Variants in OR8J3 observed in about 807,000 individuals in gnomAD.
The protein encoded by OR8J3 is olfactory receptor 8J3.
For missense variants in OR8J3, 418 were observed against 379.8 expected (o/e 1.10, Z -0.84); for synonymous variants, 170 against 142.6 (o/e 1.19, Z -1.37).
chr11:56,137,839 A>G lies in OR8J3; in HGVS notation c.-121T>C, dbSNP rs188359419. The G allele has an allele frequency of 1.8e-5, 14 of 768,992 alleles. No homozygotes were observed. In the East Asian group the frequency reaches 3.4e-4, roughly 18 times the overall value. The allele number at this position is 768,992 out of a possible 1,614,324, so 47.6% of individuals were successfully genotyped here. A position where few individuals can be genotyped will look rare whatever the true frequency, so the allele number is the denominator to read the frequency against. On this transcript the variant is annotated 5_prime_UTR_variant, in exon 2 of 2. The change abolishes an upstream ATG in the 5' untranslated region. Transcript: ENST00000642058. ...AATTCCTGGGTGTGATCTTCTTGTC[A>G]TGTATTAATCTAATTCAGTTATTAA... is the stretch of plus-strand genomic sequence containing the variant.
intron 1 of OR8J3, among the ~76,000 whole-genome samples, chr11:56,138,858 C>T (rs1854362812): frequency 6.6e-6 from 1 of 151,750 alleles, no homozygotes; most frequent in African/African-American, 2.4e-5. Flanking sequence ...TCTTTTAATT[C>T]AATTTTTTGT....
Position 56,136,644 on chromosome 11 carries a change from T to A in OR8J3, c.*127A>T. On this transcript the variant is annotated 3_prime_UTR_variant, in exon 2 of 2. Transcript: ENST00000642058. ...TCAAAATGTTTCCATGTATTTTTTTTAATTCAATGATCTTTAAATCTTACC... is the reference window on the plus strand; with the variant it reads ...TCAAAATGTTTCCATGTATTTTTTTAAATTCAATGATCTTTAAATCTTACC... 1.9e-6 allele frequency: 1 copy of A among 523,692 alleles called. No individual in the cohort carries two copies. 32.4% of individuals were successfully genotyped at this position (523,692 alleles called of 1,614,324 possible).
chr11:56,137,304 G>A lies in OR8J3; in HGVS notation c.415C>T (p.Arg139Trp), dbSNP rs778973470. ...AGGGACACCAGCAGGAGGCAGAGCCGCCGAGACACCACCACCATGTAGAGC... is the reference window on the plus strand; with the variant it reads ...AGGGACACCAGCAGGAGGCAGAGCCACCGAGACACCACCACCATGTAGAGC... ...PLLYMVVVSR[R>W]LCLLLVSLTY... The change falls in exon 2 of 2, where the codon CGG becomes TGG. Residue 139 changes from arginine to tryptophan, a missense_variant. Physicochemically the swap from Arg to Trp is moderately radical, Grantham distance 101. Transcript: ENST00000642058. 1.7e-5 allele frequency: 28 copies of A among 1,613,960 alleles called. No homozygotes were observed. Among genetic ancestry groups the A allele is most frequent in the East Asian group, 8.9e-5 (4 of 44,860 alleles).
Position 56,136,267 on chromosome 11 carries a change from T to C in OR8J3, c.*504A>G, listed in dbSNP as rs2134684128. 6.6e-6 allele frequency: 1 copy of C among 152,190 alleles called. No homozygotes were observed. Among genetic ancestry groups the C allele is most frequent in the African/African-American group, 2.4e-5 (1 of 41,574 alleles). The allele number at this position is 152,190 out of a possible 1,614,324, so 9.4% of individuals were successfully genotyped here. On this transcript the variant is annotated 3_prime_UTR_variant, in exon 2 of 2. Transcript: ENST00000642058. The stretch of plus-strand genomic sequence containing the variant: ...AATATGTATTAATTGATAGTATGTC[T>C]TTATTGTATATTCAAACAATATTAA...
rs777795903 is a variant in OR8J3 at position 56,137,290 on chromosome 11, C to G, written c.429G>C (p.Leu143=). ...MVVVSRRLCL[L]LVSLTYLYGF... ...CATAGAGGTATGTGAGGGACACCAG[C>G]AGGAGGCAGAGCCGCCGAGACACCA... The change falls in exon 2 of 2, where the codon CTG becomes CTC. Residue 143 remains leucine, a synonymous_variant. Transcript: ENST00000642058. 4 of 1,613,956 alleles carry G rather than the reference C, an allele frequency of 2.5e-6. No individual in the cohort carries two copies. The highest frequency in any genetic ancestry group is 3.4e-6 in the Non-Finnish European group (4 of 1,179,966).
rs190737001 is a variant in OR8J3 at position 56,134,736 on chromosome 11, G to T, written c.*2035C>A. The T allele has an allele frequency of 3.1e-4, 47 of 151,882 alleles. No individual in the cohort carries two copies. The highest frequency in any genetic ancestry group is 3.4e-3 in the Middle Eastern group (1 of 294). The allele number at this position is 151,882 out of a possible 1,614,324, so 9.4% of individuals were successfully genotyped here. A position where few individuals can be genotyped will look rare whatever the true frequency, so the allele number is the denominator to read the frequency against. ...ATCTGAAGTGACTTTATCATTAAGC[G>T]CTCAGTGTTTTAATATTTTTCCCTA... On this transcript the variant is annotated 3_prime_UTR_variant, in exon 2 of 2. Transcript: ENST00000642058.
Position 56,136,915 on chromosome 11 carries a change from C to G in OR8J3, c.804G>C (p.Leu268=). ...MYLQPQTNHS[L]DTDKMASVFY... is the part of the protein sequence containing the mutation. ...ACACAGAAGCCATCTTATCAGTATC[C>G]AGTGAGTGGTTGGTTTGGGGCTGCA... The change falls in exon 2 of 2, where the codon CTG becomes CTC. Residue 268 remains leucine, a synonymous_variant. Coordinates refer to ENST00000642058, the MANE Select transcript of OR8J3 (RefSeq NM_001004064.2). 6.2e-7 allele frequency: 1 copy of G among 1,614,114 alleles called. No homozygotes were observed. Among genetic ancestry groups the G allele is most frequent in the Non-Finnish European group, 8.5e-7 (1 of 1,180,004 alleles).
rs535572543 is a variant in OR8J3, at chr11:56,135,739, A to T, written c.*1032T>A. ...ACACAGAATGTCAACATAATCTTCCATATGTATCTTTCAGTCTAGTTCTTT... is the reference window on the plus strand; with the variant it reads ...ACACAGAATGTCAACATAATCTTCCTTATGTATCTTTCAGTCTAGTTCTTT... On this transcript the variant is annotated 3_prime_UTR_variant, in exon 2 of 2. Transcript: ENST00000642058. The T allele has an allele frequency of 6.6e-6, 1 of 152,112 alleles. No homozygotes were observed. Among genetic ancestry groups the T allele is most frequent in the South Asian group, 2.1e-4 (1 of 4,824 alleles). 9.4% of individuals were successfully genotyped at this position (152,112 alleles called of 1,614,324 possible).
At chr11:56,139,843 C>A (rs894654431) in intron 1 of OR8J3, among the ~76,000 whole-genome samples, 1 of 152,196 alleles carries the variant, frequency 6.6e-6, no homozygotes, top group Non-Finnish European at 1.5e-5. Context: ...GAATTAATTT[C>A]TTGAAAATGC....
Position 56,137,303 on chromosome 11 carries a change from C to T in OR8J3, c.416G>A (p.Arg139Gln), listed in dbSNP as rs373232843. Reference protein sequence around the residue: ...PLLYMVVVSRRLCLLLVSLTY... With the variant: ...PLLYMVVVSRQLCLLLVSLTY... The stretch of plus-strand genomic sequence containing the variant: ...GAGGGACACCAGCAGGAGGCAGAGC[C>T]GCCGAGACACCACCACCATGTAGAG... Residue 139 changes from arginine (R) to glutamine (Q), a missense_variant, in exon 2 of 2, where the codon CGG becomes CAG. By Grantham distance (43) the Arg-to-Gln change is conservative (BLOSUM62 1). Transcript: ENST00000642058. 13 of 1,613,764 alleles carry T rather than the reference C, an allele frequency of 8.1e-6. No individual in the cohort carries two copies. The highest frequency in any genetic ancestry group is 1.3e-5 in the African/African-American group (1 of 74,792).
At chr11:56,138,639 A>AGCCGAGATTGCGCCACTGC (rs1427251096) in intron 1 of OR8J3, 142 bp from the exon 2 acceptor site, 1 of 151,456 alleles carries the variant, frequency 6.6e-6, no homozygotes, top group Admixed American at 6.6e-5. Flanking sequence ...TGCGCCAGTG[A>AGCCGAGATTGCGCCACTGC]GCCGAGATTG....
Position 56,136,738 on chromosome 11 carries a change from A to C in OR8J3, c.*33T>G. 1 of 1,227,216 alleles carries C rather than the reference A, an allele frequency of 8.1e-7. No homozygotes were observed. The highest frequency in any genetic ancestry group is 1.5e-5 in the South Asian group (1 of 65,622). The allele number at this position is 1,227,216 out of a possible 1,614,324, so 76.0% of individuals were successfully genotyped here. ...TCTTACATAATGGCAGGTTACATGA[A>C]CTATCTCTTCATTTATTTATAGAGC... On this transcript the variant is annotated 3_prime_UTR_variant, in exon 2 of 2. Coordinates refer to ENST00000642058, the MANE Select transcript of OR8J3 (RefSeq NM_001004064.2).
rs1034897541 is a variant in OR8J3, at chr11:56,137,015, T to A, written c.704A>T (p.Lys235Ile). 1 of 1,613,760 alleles carries A rather than the reference T, an allele frequency of 6.2e-7. No homozygotes were observed. The highest frequency in any genetic ancestry group is 8.5e-7 in the Non-Finnish European group (1 of 1,179,900). The change falls in exon 2 of 2, where the codon AAA (lysine) becomes ATA (isoleucine). Residue 235 changes from lysine to isoleucine, a missense_variant. Transcript: ENST00000642058. ...ILRIRSPEGR[K>I]KAFSTCASHM... ...CGAAGCGCAGGTGGAAAAGGCTTTT[T>A]TCCTTCCTTCTGGTGAACGTATCCT...
intron 1 of OR8J3, among the ~76,000 whole-genome samples, 178 bp from the exon 2 acceptor site, chr11:56,138,675 C>G (rs2134686190): frequency 8.2e-6 from 1 of 122,650 alleles, no homozygotes; most frequent in Non-Finnish European, 1.7e-5. Context: ...GCCTGGGCGA[C>G]AGAGCGAGAC....
chr11:56,138,750 G>A (rs1239366231), intron 1 of OR8J3, among the ~76,000 whole-genome samples: 7 of 150,920 alleles, frequency 4.6e-5, no homozygotes, highest in Admixed American at 4.6e-4. Flanking sequence ...TCAACATTAT[G>A]CTTTCCTGGG....
rs71055574 is a variant in OR8J3 at position 56,138,693 on chromosome 11, CAAA to C, written c.-779-199_-779-197del. 8.5e-3 allele frequency among the ~76,000 whole-genome samples: 1,232 copies of C among 145,474 alleles called. 3 individuals carry two copies. Among genetic ancestry groups the C allele is most frequent in the Non-Finnish European group, 0.012 (814 of 66,570 alleles). On this transcript the variant is annotated intron_variant, in intron 1 of 1. Transcript: ENST00000642058. ...TGGGCGACAGAGCGAGACTCCGTCT[CAAA>C]AAAAAAAAAAAATCAGTAAGATTTT...
Position 56,136,834 on chromosome 11 carries a change from AT to A in OR8J3, c.884del (p.Asn295MetfsTer3). On this transcript the variant is annotated frameshift_variant, in exon 2 of 2. Transcript: ENST00000642058. LOFTEE classifies it low-confidence loss of function (END_TRUNC). ...LNPLIYSLRN[N>X]DVNVALKKFM... ...ATTTCTTTAAGGCAACATTTACATC[AT>A]TATTCCTCAGGCTGTAGATCAAGGG... 2.5e-6 allele frequency: 4 copies of A among 1,609,754 alleles called. No individual in the cohort carries two copies. Among genetic ancestry groups the A allele is most frequent in the Non-Finnish European group, 3.4e-6 (4 of 1,178,806 alleles).
In OR8J3 at chr11:56,137,986, T is replaced by C. The variant is rs1431761061; in HGVS notation, c.-268A>G. 2.3e-6 allele frequency: 1 copy of C among 436,748 alleles called. No individual in the cohort carries two copies. The highest frequency in any genetic ancestry group is 3.8e-5 in the East Asian group (1 of 26,022). 27.1% of individuals were successfully genotyped at this position (436,748 alleles called of 1,614,324 possible). A position where few individuals can be genotyped will look rare whatever the true frequency, so the allele number is the denominator to read the frequency against. ...TCAGCATCCTGCAACACTTTGAGGG[T>C]TTACTGCCTTGCAGTGTAATTGAAT... On this transcript the variant is annotated 5_prime_UTR_variant, in exon 2 of 2. Transcript: ENST00000642058.
rs1231748498 is a variant in OR8J3 at position 56,137,691 on chromosome 11, T to A, written c.28A>T (p.Thr10Ser). 1 of 1,599,018 alleles carries A rather than the reference T, an allele frequency of 6.3e-7. No individual in the cohort carries two copies. Among genetic ancestry groups the A allele is most frequent in the Non-Finnish European group, 8.5e-7 (1 of 1,175,064 alleles). Residue 10 changes from threonine to serine, a missense_variant, in exon 2 of 2, where the codon ACT becomes TCT. Physicochemically the swap from Thr to Ser is moderately conservative, Grantham distance 58 (BLOSUM62 1). Coordinates refer to ENST00000642058, the MANE Select transcript of OR8J3 (RefSeq NM_001004064.2). Reference protein sequence around the residue: MAPENFTRVTEFILTGVSSC... With the variant: MAPENFTRVSEFILTGVSSC... Reference sequence around the variant, plus strand: ...GAGACACCTGTGAGAATAAACTCAGTGACCCTGGTGAAATTTTCAGGAGCC... The same window carrying A: ...GAGACACCTGTGAGAATAAACTCAGAGACCCTGGTGAAATTTTCAGGAGCC...
Sources: allele counts gnomAD v4.1 joint callset (sites outside exome capture counted in the v4.1 genomes callset), GRCh38; gene constraint gnomAD v4.1.1; transcripts MANE v1.5; gene names NCBI Gene and HGNC (gene_info 2026-07-23, HGNC 2026-07-21).